Variants in TRIM68 observed in about 807,000 individuals in gnomAD.
TRIM68 encodes tripartite motif containing 68.
A neutral mutation model predicts 41.9 loss-of-function variants in TRIM68; 36 were observed. The observed-to-expected ratio is 0.86, with a 90% CI of 0.66 to 1.14. The LOEUF (loss-of-function observed/expected upper bound fraction) is 1.14, where lower values mean the gene tolerates loss of function less well. TRIM68 is among the 50% of genes most tolerant of loss of function. TRIM68 has a pLI of 0.00. For missense variants in TRIM68, 632 were observed against 605.1 expected (o/e 1.04, Z -0.47); for synonymous variants, 225 against 224.6 (o/e 1.00, Z -0.02).
At chr11:4,607,272 T>C (rs1402951953) in intron 1 of TRIM68, among the ~76,000 whole-genome samples, 2 of 152,236 alleles carry the variant, frequency 1.3e-5, no homozygotes, top group Non-Finnish European at 2.9e-5. Flanking sequence ...AGGGTCATTG[T>C]CTGTTTTGTC....
intron 2 of TRIM68, among the ~76,000 whole-genome samples, chr11:4,603,823 G>A (rs558202326): frequency 6.6e-6 from 1 of 152,256 alleles, no homozygotes; most frequent in Non-Finnish European, 1.5e-5. Context: ...TGCTTATTAA[G>A]GGTAAGAAGC....
At position 4,601,348 on chromosome 11, in the gene TRIM68, C is replaced by A. The variant is rs144146975; in HGVS notation, c.807-221G>T. The A allele has an allele frequency of 2.8e-4, 167 of 596,116 alleles. 1 individual carries two copies. The East Asian group carries it at 4.6e-3, about 16-fold the overall frequency. The allele number at this position is 596,116 out of a possible 1,614,324, so 36.9% of individuals were successfully genotyped here. On this transcript the variant is annotated intron_variant, in intron 5 of 6. Transcript: ENST00000300747. ...GGAAGGGTTGGATGTATATTTGATT[C>A]TGGGAGAGGAAGAAGTGCACACATT...
Position 4,605,035 on chromosome 11 carries a change from T to C in TRIM68, c.426+44A>G, listed in dbSNP as rs772966030. On this transcript the variant is annotated intron_variant, in intron 2 of 6. Transcript: ENST00000300747. ...AGCCCTTGATCTAGAAACAGCCAAC[T>C]TGGGGCCGGGGTTAGACTGGAGTGG... 5 of 1,591,922 alleles carry C rather than the reference T, an allele frequency of 3.1e-6. No homozygotes were observed. The East Asian group carries it at 6.7e-5, about 21-fold the overall frequency.
rs1846522085 is a variant in TRIM68 at position 4,603,342 on chromosome 11, T to C, written c.427-2A>G. On this transcript the variant is annotated splice_acceptor_variant, in intron 2 of 6. Transcript: ENST00000300747. LOFTEE classifies it high-confidence loss of function. ...TTCGAGGGCCTCATGAAGTTCCCACTGCAAGAGACAAAACCCTCATGAGGC... is the reference window on the plus strand; with the variant it reads ...TTCGAGGGCCTCATGAAGTTCCCACCGCAAGAGACAAAACCCTCATGAGGC... The C allele has an allele frequency of 1.2e-6, 2 of 1,613,942 alleles. No homozygotes were observed. The highest frequency in any genetic ancestry group is 2.2e-5 in the East Asian group (1 of 44,882).
rs770162048 is a variant in TRIM68, at chr11:4,602,221, G to T, written c.714C>A (p.Ser238Arg). The T allele has an allele frequency of 6.2e-7, 1 of 1,614,116 alleles. No homozygotes were observed. Among genetic ancestry groups the T allele is most frequent in the South Asian group, 1.1e-5 (1 of 91,074 alleles). Residue 238 changes from serine (S) to arginine (R), a missense_variant, in exon 4 of 7, where the codon AGC (serine) becomes AGA (arginine). Ser to Arg is a moderately radical substitution (Grantham distance 110). Transcript: ENST00000300747. The part of the protein sequence containing the change: ...ELNHSELIQQ[S>R]QVLWRMIAEL... Reference sequence around the variant, plus strand: ...CTGCAATCATCCTCCACAGGACCTGGCTCTGCTGGATGAGCTCGCTATGGT... The same window carrying T: ...CTGCAATCATCCTCCACAGGACCTGTCTCTGCTGGATGAGCTCGCTATGGT...
In TRIM68 at chr11:4,607,485, A is replaced by C. The variant is rs552476268; in HGVS notation, c.-58+542T>G. Among the ~76,000 whole-genome samples, 3 of 152,382 alleles carry C rather than the reference A, an allele frequency of 2.0e-5. No individual in the cohort carries two copies. In the South Asian group the frequency reaches 6.2e-4, roughly 32 times the overall value. ...ATGGAAGTTGATACCCATTATTTAA[A>C]GCTACAAATGGAAGACCTAAAATAG... On this transcript the variant is annotated intron_variant, in intron 1 of 6. Transcript: ENST00000300747.
intron 1 of TRIM68, among the ~76,000 whole-genome samples, chr11:4,607,401 T>C (rs1846585273): frequency 6.6e-6 from 1 of 152,214 alleles, no homozygotes; most frequent in Non-Finnish European, 1.5e-5. Context: ...TGTGTTAATA[T>C]CCTTAGCTAA....
At chr11:4,602,085 C>T (rs2231969) in intron 4 of TRIM68, 67 bp downstream of exon 4, 68,668 of 1,601,460 alleles carry the variant, frequency 0.043, 1,726 homozygotes, top group Middle Eastern at 0.049. Flanking sequence ...GTAACTGATG[C>T]TCTCTCCTGG....
chr11:4,602,001 A>C, intron 4 of TRIM68, 151 bp downstream of exon 4: 1 of 1,168,782 alleles, frequency 8.6e-7, no homozygotes, highest in Non-Finnish European at 1.2e-6. Flanking sequence ...AGGGATAGGG[A>C]AACAGCAGGT....
At chr11:4,603,136 A>C (rs1846517958) in intron 3 of TRIM68, 109 bp downstream of exon 3, 2 of 1,070,006 alleles carry the variant, frequency 1.9e-6, no homozygotes, top group East Asian at 4.7e-5. Flanking sequence ...AGGCTCTGTG[A>C]TTTCAAGCCT....
At chr11:4,601,158 G>T in intron 5 of TRIM68, 31 bp from the exon 6 acceptor site, 1 of 1,574,226 alleles carries the variant, frequency 6.4e-7, no homozygotes, top group Non-Finnish European at 8.7e-7. Context: ...TCAGGGCCAG[G>T]AGTCCCGGCT....
chr11:4,602,564 C>G, intron 3 of TRIM68, 152 bp from the exon 4 acceptor site: 1 of 1,009,444 alleles, frequency 9.9e-7, no homozygotes, highest in South Asian at 1.7e-5. Flanking sequence ...TTCCTAGCTT[C>G]CTGTTCTCCC....
rs750260569 is a variant in TRIM68 at position 4,598,997 on chromosome 11, T to C, written c.*1279A>G. ...ACAGCTCCATGAGGCAGGACAATCA[T>C]ATGAGGTTTTATGCTGAATTACACC... On this transcript the variant is annotated 3_prime_UTR_variant, in exon 7 of 7. Transcript: ENST00000300747. 7.9e-5 allele frequency: 12 copies of C among 152,140 alleles called. No homozygotes were observed. Among genetic ancestry groups the C allele is most frequent in the Non-Finnish European group, 1.5e-4 (10 of 68,034 alleles). 9.4% of individuals were successfully genotyped at this position (152,140 alleles called of 1,614,324 possible).
At chr11:4,606,317 T>C (rs939619112) in intron 1 of TRIM68, among the ~76,000 whole-genome samples, 4 of 152,226 alleles carry the variant, frequency 2.6e-5, no homozygotes, top group Non-Finnish European at 5.9e-5. Flanking sequence ...TCTGAGATTT[T>C]TGCCAGGGCC....
intron 5 of TRIM68, chr11:4,601,463 T>C (rs116052830): frequency 6.5e-6 from 4 of 611,736 alleles, no homozygotes; most frequent in Non-Finnish European, 1.2e-5. Context: ...TCACTTGATA[T>C]ACATTTGATC....
chr11:4,605,530 A>G lies in TRIM68; in HGVS notation c.-26T>C. 1 of 1,569,838 alleles carries G rather than the reference A, an allele frequency of 6.4e-7. No individual in the cohort carries two copies. The highest frequency in any genetic ancestry group is 8.6e-7 in the Non-Finnish European group (1 of 1,156,470). ...GGTTCCTTCTCACACCCTCCTCAGA[A>G]CATGAATGAAACCAGGGAGAAGTAG... On this transcript the variant is annotated 5_prime_UTR_variant, in exon 2 of 7. Transcript: ENST00000300747.
At position 4,599,929 on chromosome 11, in the gene TRIM68, T is replaced by C; in HGVS notation, c.*347A>G. 2 of 204,774 alleles carry C rather than the reference T, an allele frequency of 9.8e-6. No individual in the cohort carries two copies. Among genetic ancestry groups the C allele is most frequent in the Non-Finnish European group, 9.8e-6 (1 of 101,526 alleles). The allele number at this position is 204,774 out of a possible 1,614,324, so 12.7% of individuals were successfully genotyped here. On this transcript the variant is annotated 3_prime_UTR_variant, in exon 7 of 7. Coordinates refer to ENST00000300747, the MANE Select transcript of TRIM68 (RefSeq NM_018073.8). ...ACTTCATCATCCTCACTGACTGAAC[T>C]GTGACACCGGACGGGAATCAGGGAA...
At chr11:4,601,780 G>A (rs775537444) in intron 4 of TRIM68, 94 bp from the exon 5 acceptor site, 52 of 1,405,050 alleles carry the variant, frequency 3.7e-5, no homozygotes, top group Non-Finnish European at 3.8e-5. Context: ...TAGGGGAAGG[G>A]AGACAGATAC....
intron 2 of TRIM68, among the ~76,000 whole-genome samples, chr11:4,604,485 A>G (rs1846539791): frequency 6.6e-6 from 1 of 152,250 alleles, no homozygotes; most frequent in Non-Finnish European, 1.5e-5. Context: ...GACTTGAGTC[A>G]CAGCCTCTGA....
Sources: gnomAD v4.1 joint callset for allele counts (sites outside exome capture counted in the v4.1 genomes callset) on GRCh38, gnomAD v4.1.1 for gene constraint, MANE v1.5 for transcripts, NCBI Gene and HGNC (gene_info 2026-07-23, HGNC 2026-07-21) for gene names.